The following HNRNPLL variants were observed in gnomAD, a reference collection of about 807,000 sequenced individuals.
HNRNPLL encodes the protein heterogeneous nuclear ribonucleoprotein L like.
HNRNPLL carries 25 observed loss-of-function variants against 67.1 expected under a neutral mutation model. That is an observed-to-expected ratio of 0.37 (90% CI 0.27 to 0.52). The LOEUF (loss-of-function observed/expected upper bound fraction) is 0.52, where lower values mean the gene tolerates loss of function less well. Among genes scored for constraint, HNRNPLL ranks in the 20% least tolerant of loss-of-function variants. The probability of loss-of-function intolerance (pLI) is 0.90; values close to 1 mark genes in which losing one functional copy is unlikely to be tolerated. For synonymous variants in HNRNPLL, 267 were observed against 241.7 expected, an observed-to-expected ratio of 1.10 and a Z score of -0.97; for missense variants, 542 against 673.9, an observed-to-expected ratio of 0.80 and a Z score of 2.17.
chr2:38,598,554 T>C (rs1406337189), intron 1 of HNRNPLL, among the ~76,000 whole-genome samples: 1 of 152,248 alleles, frequency 6.6e-6, no homozygotes, highest in African/African-American at 2.4e-5. Flanking sequence ...AAAAGCAATA[T>C]ATGATGTAGA....
intron 1 of HNRNPLL, among the ~76,000 whole-genome samples, chr2:38,600,571 CAG>C (rs1491319392): frequency 6.6e-6 from 1 of 151,542 alleles, no homozygotes; most frequent in African/African-American, 2.4e-5. Flanking sequence ...CTACAAAACA[CAG>C]AAAAAAAAAA....
chr2:38,566,071 CAA>C (rs1346581086), intron 12 of HNRNPLL: 9 of 987,668 alleles, frequency 9.1e-6, no homozygotes, highest in Non-Finnish European at 1.1e-5. Context: ...AATTACACAG[CAA>C]AAAGTTTCAA....
intron 2 of HNRNPLL, 111 bp downstream of exon 2, chr2:38,591,419 G>A (rs1022694741): frequency 1.4e-6 from 1 of 713,150 alleles, no homozygotes; most frequent in Admixed American, 2.1e-5. Context: ...ATACTACTTT[G>A]TTTATATATA....
chr2:38,567,236 G>C (rs148179852), intron 12 of HNRNPLL, among the ~76,000 whole-genome samples: 329 of 152,238 alleles, frequency 2.2e-3, no homozygotes, highest in African/African-American at 7.4e-3. Flanking sequence ...CCAAGTAGCT[G>C]AAACTACAAG....
Position 38,582,162 on chromosome 2 carries a change from T to G in HNRNPLL, c.639A>C (p.Glu213Asp), listed in dbSNP as rs1258586699. 9 of 1,612,452 alleles carry G rather than the reference T, an allele frequency of 5.6e-6. No homozygotes were observed. The highest frequency in any genetic ancestry group is 7.6e-6 in the Non-Finnish European group (9 of 1,178,578). The change falls in exon 5 of 13, where the codon GAA (glutamate) becomes GAC (aspartate). Residue 213 changes from glutamate to aspartate, a missense_variant. Transcript: ENST00000449105. ...RNGIQAMVEF[E>D]SVLCAQKAKA... ...TAGCTTTCTGGGCACAAAGGACTGA[T>G]TCAAACATAAGCTCTATTAAGGAAA...
chr2:38,596,440 T>C (rs1553371386), intron 1 of HNRNPLL, among the ~76,000 whole-genome samples: 2 of 152,072 alleles, frequency 1.3e-5, no homozygotes, highest in African/African-American at 2.4e-5. Flanking sequence ...TGTGGTTTAA[T>C]AGAGACAGGG....
chr2:38,577,384 A>T (rs1038297655), intron 7 of HNRNPLL, 77 bp downstream of exon 7: 59 of 905,478 alleles, frequency 6.5e-5, no homozygotes, highest in Non-Finnish European at 1.1e-4. Context: ...TAGACAAGAA[A>T]TGTGCCATAC....
intron 8 of HNRNPLL, among the ~76,000 whole-genome samples, chr2:38,572,524 CTAGT>C (rs1406707230): frequency 1.3e-5 from 2 of 152,014 alleles, no homozygotes; most frequent in African/African-American, 2.4e-5. Flanking sequence ...ATTCATTTTC[CTAGT>C]TAAATTTTCC....
chr2:38,568,139 T>C, intron 12 of HNRNPLL, 60 bp downstream of exon 12: 1 of 993,206 alleles, frequency 1.0e-6, no homozygotes, highest in Non-Finnish European at 1.6e-6. Context: ...TTACCATGAA[T>C]GTTTCTGTGA....
intron 1 of HNRNPLL, among the ~76,000 whole-genome samples, chr2:38,594,755 A>G (rs1249115): frequency 1 from 151,860 of 152,204 alleles, 75,760 homozygotes; most frequent in Middle Eastern, 1. Flanking sequence ...TTCGAGATCA[A>G]CCTGGCCAAC....
chr2:38,587,903 G>C (rs1279699506), intron 2 of HNRNPLL, among the ~76,000 whole-genome samples: 2 of 152,138 alleles, frequency 1.3e-5, no homozygotes, highest in South Asian at 2.1e-4. Flanking sequence ...TCTCCTGACA[G>C]AGTTCTCACA....
chr2:38,592,231 G>C (rs959610269), intron 1 of HNRNPLL, among the ~76,000 whole-genome samples: 1 of 152,126 alleles, frequency 6.6e-6, no homozygotes, highest in Non-Finnish European at 1.5e-5. Context: ...AGAAAATTTA[G>C]CAGATACATA....
chr2:38,567,127 G>A (rs545148945), intron 12 of HNRNPLL, among the ~76,000 whole-genome samples: 13 of 151,976 alleles, frequency 8.6e-5, no homozygotes, highest in South Asian at 8.3e-4. Context: ...TTTTTGAGAC[G>A]GAGTCTTGCT....
chr2:38,576,367 T>C (rs1558534201), intron 7 of HNRNPLL, among the ~76,000 whole-genome samples: 1 of 151,764 alleles, frequency 6.6e-6, no homozygotes, highest in African/African-American at 2.4e-5. Context: ...GAACTACCCA[T>C]ACAACCATGT....
intron 12 of HNRNPLL, chr2:38,567,937 T>A (rs111475285): frequency 9.8e-6 from 3 of 306,200 alleles, no homozygotes; most frequent in Non-Finnish European, 1.8e-5. Flanking sequence ...TAAGCCCGAA[T>A]TGCCCAGCTG....
Position 38,595,839 on chromosome 2 carries a change from G to A in HNRNPLL, c.190-4191C>T, listed in dbSNP as rs148127497. ...AGCCTGGGCGACAGAGCGAGACTCC[G>A]TCTCAAAAAAAAAGGGTGGACAATG... On this transcript the variant is annotated intron_variant, in intron 1 of 12. Coordinates refer to ENST00000449105, the MANE Select transcript of HNRNPLL (RefSeq NM_138394.4). Among the ~76,000 whole-genome samples, 74 of 151,630 alleles carry A rather than the reference G, an allele frequency of 4.9e-4. 4 individuals carry two copies. The East Asian group carries it at 0.014, about 28-fold the overall frequency.
intron 2 of HNRNPLL, among the ~76,000 whole-genome samples, chr2:38,586,352 G>C (rs1196600507): frequency 6.6e-6 from 1 of 152,164 alleles, no homozygotes; most frequent in Non-Finnish European, 1.5e-5. Context: ...ACAACAGGTA[G>C]ATGTACACAT....
intron 1 of HNRNPLL, among the ~76,000 whole-genome samples, chr2:38,599,044 T>C (rs1345640016): frequency 1.3e-5 from 2 of 152,246 alleles, no homozygotes; most frequent in South Asian, 2.1e-4. Flanking sequence ...CCCATATGCA[T>C]CTAACAGATC....
chr2:38,577,587 A>G, intron 6 of HNRNPLL, 55 bp from the exon 7 acceptor site: 1 of 1,049,382 alleles, frequency 9.5e-7, no homozygotes, highest in Non-Finnish European at 1.5e-6. Context: ...TACTTAATGG[A>G]GTTCTCAGAT....
Sources: allele counts gnomAD v4.1 joint callset (sites outside exome capture counted in the v4.1 genomes callset), GRCh38; gene constraint gnomAD v4.1.1; transcripts MANE v1.5; gene names NCBI Gene and HGNC (gene_info 2026-07-23, HGNC 2026-07-21).